Variants in ADK observed in about 807,000 individuals in gnomAD.
ADK encodes the protein N6,N6-dimethyladenosine kinase.
A neutral mutation model predicts 44.7 loss-of-function variants in ADK; 24 were observed. The observed-to-expected ratio is 0.54, with a 90% CI of 0.39 to 0.76. The LOEUF (loss-of-function observed/expected upper bound fraction) is 0.76. Ranked by LOEUF, ADK falls within the 30% of genes least tolerant of loss-of-function variation. The probability of loss-of-function intolerance (pLI) is 0.00; values close to 1 mark genes in which losing one functional copy is unlikely to be tolerated. For missense variants in ADK, 321 were observed against 425.1 expected, an observed-to-expected ratio of 0.76 and a Z score of 2.15; for synonymous variants, 128 against 142.6, an observed-to-expected ratio of 0.90 and a Z score of 0.73.
chr10:74,661,937 G>T (rs1854748433), intron 9 of ADK, among the ~76,000 whole-genome samples: 1 of 152,060 alleles, frequency 6.6e-6, no homozygotes, highest in African/African-American at 2.4e-5. Context: ...CTCCCCCAGA[G>T]GATCTAACAG....
chr10:74,319,429 C>T (rs1363366650), intron 4 of ADK, among the ~76,000 whole-genome samples: 2 of 152,112 alleles, frequency 1.3e-5, no homozygotes, highest in Non-Finnish European at 2.9e-5. Context: ...ACATATGTAC[C>T]TCTGGAGTGT....
intron 3 of ADK, among the ~76,000 whole-genome samples, chr10:74,225,784 G>T (rs1267002422): frequency 6.6e-6 from 1 of 152,080 alleles, no homozygotes; most frequent in Non-Finnish European, 1.5e-5. Flanking sequence ...ATATTGTCAA[G>T]AAATTTTTTT....
chr10:74,169,427 T>C (rs757352878), intron 1 of ADK, among the ~76,000 whole-genome samples: 1 of 152,142 alleles, frequency 6.6e-6, no homozygotes, highest in Non-Finnish European at 1.5e-5. Context: ...TACTTTCAGA[T>C]TGGAGTTGCC....
intron 1 of ADK, among the ~76,000 whole-genome samples, chr10:74,186,217 T>TTCCTTTCCCTTCCC (rs1564579520): frequency 4.5e-4 from 25 of 55,014 alleles, no homozygotes; most frequent in African/African-American, 1.2e-3. Context: ...CTTCCCTTCC[T>TTCCTTTCCCTTCCC]TTCCCTTCCC....
At chr10:74,321,023 G>T (rs1840789717) in intron 4 of ADK, among the ~76,000 whole-genome samples, 2 of 152,120 alleles carry the variant, frequency 1.3e-5, no homozygotes, top group African/African-American at 4.8e-5. Flanking sequence ...GTGACTCATT[G>T]AATTTTTCAG....
intron 7 of ADK, among the ~76,000 whole-genome samples, chr10:74,560,083 A>AT (rs1317586253): frequency 8.6e-5 from 13 of 151,788 alleles, no homozygotes. Flanking sequence ...TGCCCAGATA[A>AT]TTTTTTTAAA....
At chr10:74,250,764 A>G (rs911274229) in intron 3 of ADK, among the ~76,000 whole-genome samples, 1 of 152,066 alleles carries the variant, frequency 6.6e-6, no homozygotes, top group African/African-American at 2.4e-5. Flanking sequence ...TTAAAAATCA[A>G]ATTCAGAGGT....
At chr10:74,411,551 T>C (rs953327370) in intron 6 of ADK, among the ~76,000 whole-genome samples, 15 of 152,352 alleles carry the variant, frequency 9.8e-5, no homozygotes, top group African/African-American at 3.6e-4. Flanking sequence ...AAAAATACTT[T>C]GTTGCTAAAA....
chr10:74,684,842 G>A (rs1855732354), intron 10 of ADK, among the ~76,000 whole-genome samples: 1 of 152,120 alleles, frequency 6.6e-6, no homozygotes, highest in Admixed American at 6.5e-5. Flanking sequence ...AAATGTTTTT[G>A]TAACACAATG....
intron 1 of ADK, among the ~76,000 whole-genome samples, chr10:74,181,178 C>A (rs1405857647): frequency 6.6e-6 from 1 of 152,018 alleles, no homozygotes; most frequent in African/African-American, 2.4e-5. Flanking sequence ...TCTCTAGATA[C>A]CTTGTTCAGT....
intron 6 of ADK, among the ~76,000 whole-genome samples, chr10:74,414,944 C>T (rs929981852): frequency 1.3e-5 from 2 of 151,994 alleles, no homozygotes; most frequent in Non-Finnish European, 2.9e-5. Context: ...AACTCTCTAC[C>T]AAGACAGAGA....
intron 7 of ADK, among the ~76,000 whole-genome samples, chr10:74,560,559 G>C (rs1168174958): frequency 2.0e-5 from 3 of 152,184 alleles, no homozygotes; most frequent in Non-Finnish European, 4.4e-5. Flanking sequence ...AGTCATAGTA[G>C]CATGTAACAT....
chr10:74,341,517 G>A (rs1216679424), intron 4 of ADK, among the ~76,000 whole-genome samples: 5 of 140,214 alleles, frequency 3.6e-5, no homozygotes, highest in East Asian at 2.1e-4. Context: ...ACAAGAGCGA[G>A]ACTCCGTCTC....
At chr10:74,590,771 G>A (rs1334014173) in intron 8 of ADK, among the ~76,000 whole-genome samples, 3 of 152,046 alleles carry the variant, frequency 2.0e-5, no homozygotes, top group Non-Finnish European at 1.5e-5. Context: ...AGGACAAAAT[G>A]TAATCATGGG....
intron 2 of ADK, among the ~76,000 whole-genome samples, chr10:74,201,362 G>C (rs1404460236): frequency 6.6e-6 from 1 of 152,140 alleles, no homozygotes; most frequent in Non-Finnish European, 1.5e-5. Flanking sequence ...ATTTACCTAA[G>C]TATTTGAGGC....
At chr10:74,155,384 G>C (rs1841717567) in intron 1 of ADK, among the ~76,000 whole-genome samples, 1 of 152,136 alleles carries the variant, frequency 6.6e-6, no homozygotes, top group South Asian at 2.1e-4. Flanking sequence ...AGCTACACAG[G>C]AGGCTGAGGC....
chr10:74,405,421 GTATAGC>G (rs1000952086), intron 6 of ADK, among the ~76,000 whole-genome samples: 8 of 141,584 alleles, frequency 5.7e-5, no homozygotes, highest in African/African-American at 2.1e-4. Context: ...TTAGATTAAT[GTATAGC>G]TATACACTCT....
intron 6 of ADK, among the ~76,000 whole-genome samples, chr10:74,460,358 G>A (rs1021658947): frequency 2.0e-5 from 3 of 152,084 alleles, no homozygotes; most frequent in Non-Finnish European, 4.4e-5. Context: ...GTCATTTCTT[G>A]TGCTTATGAG....
At chr10:74,691,816 GA>G (rs1855999578) in intron 10 of ADK, among the ~76,000 whole-genome samples, 1 of 151,882 alleles carries the variant, frequency 6.6e-6, no homozygotes, top group Non-Finnish European at 1.5e-5. Flanking sequence ...TTTTTTAATT[GA>G]AAAATATTTC....
Sources: allele counts gnomAD v4.1 joint callset (sites outside exome capture counted in the v4.1 genomes callset), GRCh38; gene constraint gnomAD v4.1.1; transcripts MANE v1.5; gene names NCBI Gene and HGNC (gene_info 2026-07-23, HGNC 2026-07-21).